The following FMN1 variants were observed in gnomAD, a reference collection of about 807,000 sequenced individuals.
FMN1 encodes the protein formin 1.
Under a neutral mutation model 132.4 loss-of-function variants are expected in FMN1, and 110 were observed. The ratio of observed to expected loss-of-function variants is 0.83; its 90% CI spans 0.71 to 0.97. The LOEUF is 0.97. Ranked by LOEUF, FMN1 falls within the 50% of genes least tolerant of loss-of-function variation. The probability of loss-of-function intolerance (pLI) is 0.00; values close to 1 mark genes in which losing one functional copy is unlikely to be tolerated. For synonymous variants in FMN1, 722 were observed against 651.7 expected, an observed-to-expected ratio of 1.11 and a Z score of -1.64; for missense variants, 1,792 against 1,705.3, an observed-to-expected ratio of 1.05 and a Z score of -0.90.
rs150518362 is a variant in FMN1, at chr15:32,852,295, A to T, written c.3928+4720T>A. On this transcript the variant is annotated intron_variant, in intron 17 of 20. Transcript: ENST00000616417. ...TATTCTCCTCTGTTTCATTTTGTAC[A>T]TCCAATTTATTAACCTGTCCTGTAA... Among the ~76,000 whole-genome samples the T allele has an allele frequency of 3.8e-3, 577 of 152,340 alleles. 2 individuals carry two copies. Among genetic ancestry groups the T allele is most frequent in the Non-Finnish European group, 6.7e-3 (455 of 68,024 alleles).
intron 4 of FMN1, among the ~76,000 whole-genome samples, chr15:33,136,856 C>T (rs900723606): frequency 7.9e-5 from 12 of 151,832 alleles, no homozygotes; most frequent in Non-Finnish European, 1.5e-4. Flanking sequence ...GGGAGGCCAA[C>T]GCAGGCAGAT....
At chr15:32,987,811 A>C (rs763624466) in intron 7 of FMN1, among the ~76,000 whole-genome samples, 3 of 152,174 alleles carry the variant, frequency 2.0e-5, no homozygotes, top group Non-Finnish European at 4.4e-5. Flanking sequence ...AGAAACACTT[A>C]ACAGGCCAGT....
At chr15:32,787,639 G>A (rs1225055157) in intron 19 of FMN1, among the ~76,000 whole-genome samples, 1 of 152,134 alleles carries the variant, frequency 6.6e-6, no homozygotes, top group Non-Finnish European at 1.5e-5. Context: ...CTTGAGGCTA[G>A]GAGTTCAAGG....
intron 2 of FMN1, among the ~76,000 whole-genome samples, chr15:33,189,349 C>T (rs1965995406): frequency 6.6e-6 from 1 of 152,254 alleles, no homozygotes; most frequent in Middle Eastern, 3.4e-3. Flanking sequence ...CCATTTTCTG[C>T]AGAACTGTGG....
At chr15:33,095,578 G>A (rs2039053634) in intron 4 of FMN1, among the ~76,000 whole-genome samples, 2 of 151,472 alleles carry the variant, frequency 1.3e-5, no homozygotes, top group Admixed American at 1.3e-4. Flanking sequence ...ATTTTTTTTT[G>A]TAGAGATAGA....
intron 9 of FMN1, among the ~76,000 whole-genome samples, chr15:32,962,697 C>G (rs2030716843): frequency 2.0e-5 from 3 of 148,654 alleles, no homozygotes; most frequent in Non-Finnish European, 4.5e-5. Context: ...TGAACAGACA[C>G]TTCTCAAAAG....
At chr15:33,096,663 G>A (rs779461408) in intron 4 of FMN1, among the ~76,000 whole-genome samples, 8 of 151,432 alleles carry the variant, frequency 5.3e-5, no homozygotes, top group East Asian at 3.9e-4. Flanking sequence ...GCTGTGGTGC[G>A]ATCCTGGATC....
chr15:33,036,377 A>T (rs951481295), intron 6 of FMN1, among the ~76,000 whole-genome samples: 1 of 152,238 alleles, frequency 6.6e-6, no homozygotes, highest in Non-Finnish European at 1.5e-5. Flanking sequence ...AATTCCATGT[A>T]GGAATACCAT....
intron 16 of FMN1, among the ~76,000 whole-genome samples, chr15:32,862,674 G>A (rs1471700641): frequency 6.6e-6 from 1 of 152,200 alleles, no homozygotes; most frequent in Non-Finnish European, 1.5e-5. Flanking sequence ...GTAGCAGTAA[G>A]ACCCAGATAT....
chr15:33,134,497 C>A (rs1225935361), intron 4 of FMN1, among the ~76,000 whole-genome samples: 3 of 152,160 alleles, frequency 2.0e-5, no homozygotes, highest in Non-Finnish European at 2.9e-5. Flanking sequence ...CATCACCTCA[C>A]CTTGCACCTG....
chr15:33,028,175 G>A (rs879278950), intron 6 of FMN1, among the ~76,000 whole-genome samples: 2 of 152,166 alleles, frequency 1.3e-5, no homozygotes, highest in Non-Finnish European at 2.9e-5. Flanking sequence ...CATGAGATGC[G>A]TGTTAGGAGC....
At chr15:32,842,042 T>C (rs1279919381) in intron 17 of FMN1, among the ~76,000 whole-genome samples, 2 of 152,226 alleles carry the variant, frequency 1.3e-5, no homozygotes, top group Non-Finnish European at 2.9e-5. Context: ...TGTGCTGTTC[T>C]CTAGTTGAAC....
At chr15:32,851,621 G>A (rs1054315238) in intron 17 of FMN1, among the ~76,000 whole-genome samples, 26 of 152,196 alleles carry the variant, frequency 1.7e-4, no homozygotes, top group Non-Finnish European at 2.1e-4. Flanking sequence ...ACCCCGCCAA[G>A]TGGTGCCATT....
At chr15:33,173,009 A>G (rs1965386253) in intron 3 of FMN1, among the ~76,000 whole-genome samples, 1 of 152,204 alleles carries the variant, frequency 6.6e-6, no homozygotes, top group Admixed American at 6.5e-5. Flanking sequence ...TTTCTAATAC[A>G]AGGGCAATAC....
At chr15:33,112,593 A>G (rs960932312) in intron 4 of FMN1, among the ~76,000 whole-genome samples, 9 of 152,174 alleles carry the variant, frequency 5.9e-5, no homozygotes, top group South Asian at 4.1e-4. Flanking sequence ...AAAACACTCC[A>G]AAGATATTAG....
chr15:33,063,606 G>T (rs2037584143), intron 6 of FMN1: 1 of 152,118 alleles, frequency 6.6e-6, no homozygotes, highest in African/African-American at 2.4e-5. Flanking sequence ...GACCCTCATT[G>T]ATACAGTCAT....
At chr15:33,105,273 T>G (rs539730848) in intron 4 of FMN1, among the ~76,000 whole-genome samples, 24 of 152,100 alleles carry the variant, frequency 1.6e-4, no homozygotes, top group African/African-American at 5.8e-4. Flanking sequence ...ACAAAGACTT[T>G]CCTTGGGCCA....
chr15:33,048,688 A>G (rs1006220506), intron 6 of FMN1, among the ~76,000 whole-genome samples: 3 of 144,682 alleles, frequency 2.1e-5, no homozygotes, highest in Non-Finnish European at 3.0e-5. Context: ...CATGGCTGAG[A>G]AGGCCTCACA....
intron 6 of FMN1, among the ~76,000 whole-genome samples, chr15:33,040,674 A>G (rs372377132): frequency 8.5e-5 from 13 of 152,362 alleles, no homozygotes; most frequent in African/African-American, 2.9e-4. Flanking sequence ...ACACCACCAG[A>G]TAGAATATGT....
Sources: gnomAD v4.1 joint callset for allele counts (sites outside exome capture counted in the v4.1 genomes callset) on GRCh38, gnomAD v4.1.1 for gene constraint, MANE v1.5 for transcripts, NCBI Gene and HGNC (gene_info 2026-07-23, HGNC 2026-07-21) for gene names.